The following SMG5 variants were observed in gnomAD, a reference collection of about 807,000 sequenced individuals.
The protein encoded by SMG5 is nonsense-mediated mRNA decay factor SMG5.
In SMG5, 53 loss-of-function variants were observed where a neutral mutation model predicts 122.9. The observed-to-expected ratio is 0.43, with a 90% CI of 0.35 to 0.54. SMG5 has a LOEUF of 0.54. Ranked by LOEUF, SMG5 falls within the 20% of genes least tolerant of loss-of-function variation. The probability of loss-of-function intolerance (pLI) is 0.01; values close to 1 mark genes in which losing one functional copy is unlikely to be tolerated. For missense variants in SMG5, 1,153 were observed against 1,285.6 expected (o/e 0.90, Z 1.58); for synonymous variants, 477 against 490.2 (o/e 0.97, Z 0.35).
At chr1:156,279,123 C>T in intron 1 of SMG5, 89 bp from the exon 2 acceptor site, 1 of 1,136,870 alleles carries the variant, frequency 8.8e-7, no homozygotes, top group East Asian at 2.4e-5. Context: ...GGAAAAGCTA[C>T]AGAATTAGCG....
At chr1:156,284,480 C>T (rs1171781236), upstream of SMG5, 2 of 152,336 alleles carry the variant, frequency 1.3e-5, no homozygotes, top group African/African-American at 4.8e-5. Context: ...TCAGTCCCAT[C>T]CAGAAGCAAT....
At chr1:156,282,350 C>T (rs1662990751) in intron 1 of SMG5, among the ~76,000 whole-genome samples, 1 of 152,156 alleles carries the variant, frequency 6.6e-6, no homozygotes, top group Non-Finnish European at 1.5e-5. Context: ...CTCCACCAAG[C>T]TTAGTGCCCG....
chr1:156,287,233 G>A (rs1474831896), upstream of SMG5, among the ~76,000 whole-genome samples: 1 of 152,052 alleles, frequency 6.6e-6, no homozygotes, highest in Non-Finnish European at 1.5e-5. Flanking sequence ...TGGCCAACAA[G>A]GTGAAACCCC....
At chr1:156,275,088 G>A (rs1243653576) in intron 4 of SMG5, among the ~76,000 whole-genome samples, 1 of 145,476 alleles carries the variant, frequency 6.9e-6, no homozygotes, top group Non-Finnish European at 1.5e-5. Context: ...AGGTAAATAT[G>A]GGAAACTAAT....
rs186768798 is a variant in SMG5, at chr1:156,274,812, G to A, written c.455-126C>T. Reference sequence around the variant, plus strand: ...CAGTCTTGGAACATTGTCTTTCAGGGCAGAGACACACTCATCCAGGACACA... The same window carrying A: ...CAGTCTTGGAACATTGTCTTTCAGGACAGAGACACACTCATCCAGGACACA... On this transcript the variant is annotated intron_variant, in intron 4 of 21. Transcript: ENST00000361813. 94 of 720,202 alleles carry A rather than the reference G, an allele frequency of 1.3e-4. 1 individual carries two copies. The Admixed American group carries it at 1.9e-3, about 15-fold the overall frequency. The allele number at this position is 720,202 out of a possible 1,614,324, so 44.6% of individuals were successfully genotyped here. A position where few individuals can be genotyped will look rare whatever the true frequency, so the allele number is the denominator to read the frequency against.
chr1:156,263,810 T>C (rs75335308), intron 12 of SMG5, among the ~76,000 whole-genome samples: 88 of 152,322 alleles, frequency 5.8e-4, no homozygotes, highest in African/African-American at 1.4e-3. Flanking sequence ...TAAAATATGG[T>C]GCCTTTTAAA....
chr1:156,273,428 A>C lies in SMG5; in HGVS notation c.567T>G (p.Ala189=), dbSNP rs1350237081. ...GDLSRYQNEL[A]GVDTELLAER... The stretch of plus-strand genomic sequence containing the variant: ...CGGCTAGCAGCTCGGTATCTACGCC[A>C]GCTAATTCATTCTGATATCGGGCTG... The change falls in exon 6 of 22, where the codon GCT becomes GCG. Residue 189 remains alanine (A), a synonymous_variant. Transcript: ENST00000361813. The C allele has an allele frequency of 3.7e-5, 59 of 1,613,972 alleles. No individual in the cohort carries two copies. The highest frequency in any genetic ancestry group is 5.0e-5 in the Non-Finnish European group (59 of 1,179,998).
intron 5 of SMG5, among the ~76,000 whole-genome samples, chr1:156,273,718 C>CTTTTTTTTTTTTTTTTTTTTTTT: frequency 8.6e-6 from 1 of 116,310 alleles, no homozygotes; most frequent in Non-Finnish European, 1.7e-5. Context: ...GTTTTGTTTT[C>CTTTTTTTTTTTTTTTTTTTTTTT]TTTTTTTTTT....
chr1:156,282,705 C>T lies in SMG5; in HGVS notation c.-25G>A, dbSNP rs1006914651. On this transcript the variant is annotated 5_prime_UTR_variant, in exon 1 of 22. Coordinates refer to ENST00000361813, the MANE Select transcript of SMG5 (RefSeq NM_015327.3). ...TGGTGCCCGGGTCCGGGGGCAGCTCCCGGTCACAGGCCCCTGCCACCCACC... is the reference window on the plus strand; with the variant it reads ...TGGTGCCCGGGTCCGGGGGCAGCTCTCGGTCACAGGCCCCTGCCACCCACC... 3 of 1,584,374 alleles carry T rather than the reference C, an allele frequency of 1.9e-6. No individual in the cohort carries two copies. Among genetic ancestry groups the T allele is most frequent in the Admixed American group, 1.7e-5 (1 of 57,344 alleles).
At chr1:156,285,410 GC>G, upstream of SMG5, 1 of 1,606,262 alleles carries the variant, frequency 6.2e-7, no homozygotes, top group Non-Finnish European at 8.5e-7. Context: ...CATAGAGGGG[GC>G]TGAGGATGGT....
At chr1:156,263,840 A>G (rs1661982203) in intron 12 of SMG5, among the ~76,000 whole-genome samples, 1 of 152,236 alleles carries the variant, frequency 6.6e-6, no homozygotes, top group South Asian at 2.1e-4. Flanking sequence ...TATAGACTCA[A>G]GTAATTTGTG....
intron 16 of SMG5, among the ~76,000 whole-genome samples, chr1:156,255,606 C>A (rs1025845682): frequency 2.6e-5 from 4 of 151,930 alleles, no homozygotes; most frequent in African/African-American, 7.3e-5. Context: ...AATCTTGGGG[C>A]CAGGCACAGT....
upstream of SMG5, chr1:156,283,202 T>C (rs948938984): frequency 8.4e-5 from 17 of 202,784 alleles, no homozygotes; most frequent in East Asian, 2.3e-4. Flanking sequence ...CTTTCCCTTT[T>C]CCCCCATAAT....
At chr1:156,264,716 C>CA (rs1662035643) in intron 12 of SMG5, among the ~76,000 whole-genome samples, 1 of 152,042 alleles carries the variant, frequency 6.6e-6, no homozygotes, top group Non-Finnish European at 1.5e-5. Flanking sequence ...GCCAGACAGA[C>CA]AAAACACTAT....
chr1:156,282,418 A>G (rs1572603869), intron 1 of SMG5, among the ~76,000 whole-genome samples, 189 bp downstream of exon 1: 1 of 151,298 alleles, frequency 6.6e-6, no homozygotes, highest in African/African-American at 2.4e-5. Context: ...CAAACCTCCC[A>G]CCTACCCAAT....
Position 156,268,463 on chromosome 1 carries a change from T to C in SMG5, c.714-48A>G, listed in dbSNP as rs868631873. The stretch of plus-strand genomic sequence containing the variant: ...ACTGAGTCTTGGCAGGGGGAGGATA[T>C]GTTACTCTGCTGGGGCTTTAGGAAA... On this transcript the variant is annotated intron_variant, in intron 7 of 21. Coordinates refer to ENST00000361813, the MANE Select transcript of SMG5 (RefSeq NM_015327.3). 8.1e-6 allele frequency: 13 copies of C among 1,603,962 alleles called. No individual in the cohort carries two copies. In the Middle Eastern group the frequency reaches 1.1e-3, roughly 133 times the overall value.
intron 13 of SMG5, 140 bp from the exon 14 acceptor site, chr1:156,261,548 A>G: frequency 4.3e-6 from 3 of 695,440 alleles, no homozygotes; most frequent in Non-Finnish European, 7.4e-6. Flanking sequence ...TAACAAAAGA[A>G]GCCTGGACAA....
rs1480727637 is a variant in SMG5, at chr1:156,277,116, G to A, written c.423C>T (p.Ile141=). 3.7e-6 allele frequency: 6 copies of A among 1,613,804 alleles called. No individual in the cohort carries two copies. Among genetic ancestry groups the A allele is most frequent in the African/African-American group, 1.3e-5 (1 of 75,042 alleles). ...SHYQLELQCC[I]DWTHVTDPLI... ...GGGGGTCAGTGACATGGGTCCAGTC[G>A]ATGCAGCACTGCAGTTCCAGCTGGT... The change falls in exon 4 of 22, where the codon ATC becomes ATT. Residue 141 remains isoleucine (I), a synonymous_variant. Transcript: ENST00000361813.
chr1:156,265,072 C>CACACACACA (rs1553293436), intron 12 of SMG5, among the ~76,000 whole-genome samples: 1 of 147,734 alleles, frequency 6.8e-6, no homozygotes, highest in African/African-American at 2.5e-5. Flanking sequence ...CACACACACA[C>CACACACACA]AAAAGCCGGG....
Sources: allele counts gnomAD v4.1 joint callset (sites outside exome capture counted in the v4.1 genomes callset), GRCh38; gene constraint gnomAD v4.1.1; transcripts MANE v1.5; gene names NCBI Gene and HGNC (gene_info 2026-07-23, HGNC 2026-07-21).